The following LRP1 variants were observed in gnomAD, a reference collection of about 807,000 sequenced individuals.
The protein encoded by LRP1 is LDL receptor related protein 1.
LRP1 carries 51 observed loss-of-function variants against 541.5 expected under a neutral mutation model. The ratio of observed to expected loss-of-function variants is 0.09; its 90% CI spans 0.08 to 0.12. The LOEUF (loss-of-function observed/expected upper bound fraction) is 0.12. Ranked by LOEUF, LRP1 falls within the 10% of genes least tolerant of loss-of-function variation. The probability of loss-of-function intolerance (pLI) is 1.00; values close to 1 mark genes in which losing one functional copy is unlikely to be tolerated. For missense variants in LRP1, 3,878 were observed against 6,376.2 expected (o/e 0.61, Z 13.34); for synonymous variants, 2,219 against 2,470.8 (o/e 0.90, Z 3.02).
rs2036877284 is a variant in LRP1 at position 57,210,179 on chromosome 12, T to C, written c.12580+10T>C. ...ACGCCCCCCCCAGATGGTATGCTTA[T>C]GCCCTCCCAGTCCCAGCCATGCCTC... On this transcript the variant is annotated intron_variant, in intron 81 of 88. Transcript: ENST00000243077. The C allele has an allele frequency of 6.3e-7, 1 of 1,586,638 alleles. No individual in the cohort carries two copies.
chr12:57,202,035 G>C lies in LRP1; in HGVS notation c.10594+130G>C, dbSNP rs2036668370. 8.1e-6 allele frequency: 10 copies of C among 1,240,236 alleles called. No individual in the cohort carries two copies. In the South Asian group the frequency reaches 1.3e-4, roughly 17 times the overall value. 76.8% of individuals were successfully genotyped at this position (1,240,236 alleles called of 1,614,324 possible). ...GTGGCCCTGCTGCTGGGCTTCCTGG[G>C]CCTGCTGTGGGGCTGGGGAAGGAGG... On this transcript the variant is annotated intron_variant, in intron 67 of 88. Transcript: ENST00000243077.
intron 77 of LRP1, 96 bp from the exon 78 acceptor site, chr12:57,208,614 GC>G (rs767219169): frequency 1.0e-4 from 72 of 721,526 alleles, no homozygotes; most frequent in Non-Finnish European, 1.6e-4. Flanking sequence ...CCAGTCCCCA[GC>G]AGTCCCTGTC....
rs765805718 is a variant in LRP1, at chr12:57,197,176, C to T, written c.9076+11C>T. 18 of 1,613,724 alleles carry T rather than the reference C, an allele frequency of 1.1e-5. No homozygotes were observed. Among genetic ancestry groups the T allele is most frequent in the East Asian group, 2.2e-5 (1 of 44,892 alleles). On this transcript the variant is annotated intron_variant, in intron 56 of 88. Transcript: ENST00000243077. The surrounding 1 kb of genome is among the most constrained non-coding windows in gnomAD (Gnocchi z 4.5). ...GCAAGGCTGTGACTGGTGAGATGCG[C>T]GCTTGGAGGGCATGAGGTGACCCAG... is the stretch of plus-strand genomic sequence containing the variant.
chr12:57,149,330 T>C (rs921720350), intron 6 of LRP1: 25 of 445,148 alleles, frequency 5.6e-5, no homozygotes, highest in Non-Finnish European at 9.1e-5. Context: ...CTGAGTTTCC[T>C]AATCATTTAA....
chr12:57,210,674 G>A lies in LRP1; in HGVS notation c.12755-44G>A, dbSNP rs751737847. 4 of 1,579,924 alleles carry A rather than the reference G, an allele frequency of 2.5e-6. No homozygotes were observed. The South Asian group carries it at 4.5e-5, about 18-fold the overall frequency. ...CCATTCCTCTGCTATAGGGCCAGGT[G>A]GTCTCGAGGGCCACAGTCGCGCTCA... On this transcript the variant is annotated intron_variant, in intron 82 of 88. Transcript: ENST00000243077.
Position 57,162,164 on chromosome 12 carries a change from C to A in LRP1, c.2203-153C>A, listed in dbSNP as rs569370367. Among the ~76,000 whole-genome samples, 2 of 152,256 alleles carry A rather than the reference C, an allele frequency of 1.3e-5. No individual in the cohort carries two copies. Among genetic ancestry groups the A allele is most frequent in the African/African-American group, 4.8e-5 (2 of 41,530 alleles). The stretch of plus-strand genomic sequence containing the variant: ...TCAGGATCTACCATCCCACTGTGTG[C>A]AAAACTATCACTCTCTGGGGCTCCC... On this transcript the variant is annotated intron_variant, in intron 13 of 88. Coordinates refer to ENST00000243077, the MANE Select transcript of LRP1 (RefSeq NM_002332.3). This position sits in a 1 kb window ranked among gnomAD's most constrained non-coding sequence, Gnocchi z 5.2.
In LRP1 at chr12:57,197,405, T is replaced by G. The variant is rs771591751; in HGVS notation, c.9162+21T>G. The G allele has an allele frequency of 1.8e-5, 29 of 1,610,492 alleles. No individual in the cohort carries two copies. Among genetic ancestry groups the G allele is most frequent in the Middle Eastern group, 1.7e-4 (1 of 6,058 alleles). On this transcript the variant is annotated intron_variant, in intron 57 of 88. Coordinates refer to ENST00000243077, the MANE Select transcript of LRP1 (RefSeq NM_002332.3). This position sits in a 1 kb window ranked among gnomAD's most constrained non-coding sequence, Gnocchi z 4.5. ...AGCAGGTACCAAACCCAGGCCCTCCTCCCCGCTGCCCATCTCCCAGACCCA... is the reference window on the plus strand; with the variant it reads ...AGCAGGTACCAAACCCAGGCCCTCCGCCCCGCTGCCCATCTCCCAGACCCA...
Position 57,194,856 on chromosome 12 carries a change from C to G in LRP1, c.8192-129C>G. 1.5e-5 allele frequency: 18 copies of G among 1,173,554 alleles called. 1 individual carries two copies. Among genetic ancestry groups the G allele is most frequent in the Non-Finnish European group, 2.1e-5 (17 of 804,430 alleles). 72.7% of individuals were successfully genotyped at this position (1,173,554 alleles called of 1,614,324 possible). On this transcript the variant is annotated intron_variant, in intron 50 of 88. Transcript: ENST00000243077. ...GAGGTCAGACTCAGAGACTCTGCCT[C>G]TAGCTGCTGCTGAGCCCCCCCACAG...
Position 57,204,444 on chromosome 12 carries a change from C to A in LRP1, c.10986C>A (p.Asn3662Lys). 1 of 1,559,466 alleles carries A rather than the reference C, an allele frequency of 6.4e-7. No homozygotes were observed. The highest frequency in any genetic ancestry group is 8.7e-7 in the Non-Finnish European group (1 of 1,150,836). ...RTCPLDEFQCNNTLCKPLAWK... is the reference protein window; with the variant it reads ...RTCPLDEFQCKNTLCKPLAWK... Reference sequence around the variant, plus strand: ...GCCCCCTGGACGAGTTCCAGTGCAACAACACCTTGTGCAAGCCGCTGGCCT... The same window carrying A: ...GCCCCCTGGACGAGTTCCAGTGCAAAAACACCTTGTGCAAGCCGCTGGCCT... The change falls in exon 71 of 89, where the codon AAC (asparagine) becomes AAA (lysine). Residue 3662 changes from asparagine (N) to lysine (K), a missense_variant. By Grantham distance (94) the Asn-to-Lys change is moderately conservative (BLOSUM62 0). Coordinates refer to ENST00000243077, the MANE Select transcript of LRP1 (RefSeq NM_002332.3). The surrounding 1 kb of genome is among the most constrained non-coding windows in gnomAD (Gnocchi z 5.3).
In LRP1 at chr12:57,187,351, G is replaced by A; in HGVS notation, c.6926G>A (p.Arg2309His). 6.2e-7 allele frequency: 1 copy of A among 1,614,186 alleles called. No individual in the cohort carries two copies. Among genetic ancestry groups the A allele is most frequent in the Non-Finnish European group, 8.5e-7 (1 of 1,180,042 alleles). The change falls in exon 42 of 89, where the codon CGC (arginine) becomes CAC (histidine). Residue 2309 changes from arginine to histidine, a missense_variant. By Grantham distance (29) the Arg-to-His change is conservative (BLOSUM62 0). Around this residue, in one of 13 missense-constraint regions of LRP1, gnomAD observed 1,100 missense variants for 1,827.4 expected, o/e 0.60. Transcript: ENST00000243077. ...AGCTACACGACATCCACCATCACGCGCCACACAGTGGACCAGACCCGCCCA... is the reference window on the plus strand; with the variant it reads ...AGCTACACGACATCCACCATCACGCACCACACAGTGGACCAGACCCGCCCA... ...WTSYTTSTITRHTVDQTRPGA... is the reference protein window; with the variant it reads ...WTSYTTSTITHHTVDQTRPGA...
In LRP1 at chr12:57,157,025, A is replaced by C. The variant is rs545067978; in HGVS notation, c.1561+105A>C. 104 of 1,363,664 alleles carry C rather than the reference A, an allele frequency of 7.6e-5. No homozygotes were observed. In the African/African-American group the frequency reaches 1.3e-3, roughly 17 times the overall value. The allele number at this position is 1,363,664 out of a possible 1,614,324, so 84.5% of individuals were successfully genotyped here. A position where few individuals can be genotyped will look rare whatever the true frequency, so the allele number is the denominator to read the frequency against. ...CTCTGTCTGACATGCAGGGAGATGA[A>C]GGAAGTGTCCCAGAGTGTACCTGCT... On this transcript the variant is annotated intron_variant, in intron 10 of 88. Coordinates refer to ENST00000243077, the MANE Select transcript of LRP1 (RefSeq NM_002332.3).
At chr12:57,155,077 T>G (rs35253246) in intron 8 of LRP1, 12,180 of 493,342 alleles carry the variant, frequency 0.025, 731 homozygotes, top group African/African-American at 0.15. Flanking sequence ...CTGGAACTTG[T>G]TCTAGAAGCC....
At chr12:57,141,937 CT>C in intron 3 of LRP1, among the ~76,000 whole-genome samples, 1 of 152,188 alleles carries the variant, frequency 6.6e-6, no homozygotes, top group South Asian at 2.1e-4. Context: ...TTTAGTCCAC[CT>C]GCCGCCCCTA....
chr12:57,156,689 C>A lies in LRP1; in HGVS notation c.1418-88C>A. ...ATAGCAAGCACAAAGACCACAGCAG[C>A]AGGGGGTGTGGTCAGATTCAGGAAG... On this transcript the variant is annotated intron_variant, in intron 9 of 88. Coordinates refer to ENST00000243077, the MANE Select transcript of LRP1 (RefSeq NM_002332.3). This position sits in a 1 kb window ranked among gnomAD's most constrained non-coding sequence, Gnocchi z 5.2. 1 of 1,411,288 alleles carries A rather than the reference C, an allele frequency of 7.1e-7. No homozygotes were observed. Among genetic ancestry groups the A allele is most frequent in the East Asian group, 2.4e-5 (1 of 42,538 alleles). The allele number at this position is 1,411,288 out of a possible 1,614,324, so 87.4% of individuals were successfully genotyped here.
chr12:57,198,011 G>A (rs2036572902), intron 58 of LRP1, 145 bp from the exon 59 acceptor site: 2 of 696,798 alleles, frequency 2.9e-6, no homozygotes, highest in South Asian at 3.8e-5. Context: ...CCCAGGACTG[G>A]GCATTTTACT....
At position 57,165,749 on chromosome 12, in the gene LRP1, A is replaced by T; in HGVS notation, c.2531-56A>T. ...ACAAAAATGGTGCAAAGGGCTTAGT[A>T]CTTGTCCCACGACCGGGGTCTGACT... On this transcript the variant is annotated intron_variant, in intron 15 of 88. Coordinates refer to ENST00000243077, the MANE Select transcript of LRP1 (RefSeq NM_002332.3). The surrounding 1 kb of genome is among the most constrained non-coding windows in gnomAD (Gnocchi z 4.5). 1 of 1,585,550 alleles carries T rather than the reference A, an allele frequency of 6.3e-7. No individual in the cohort carries two copies. The highest frequency in any genetic ancestry group is 8.6e-7 in the Non-Finnish European group (1 of 1,156,208).
rs34484591 is a variant in LRP1, at chr12:57,138,780, G to A, written c.190+199G>A. Among the ~76,000 whole-genome samples, 9,550 of 152,176 alleles carry A rather than the reference G, an allele frequency of 0.063. 873 individuals carry two copies. Among genetic ancestry groups the A allele is most frequent in the African/African-American group, 0.2 (8,406 of 41,466 alleles). On this transcript the variant is annotated intron_variant, in intron 2 of 88. Transcript: ENST00000243077. ...ATGGTGCCTGTTGGGCTTAGAAATGGCACCTCAGATTTCTCCCTCAAGTGC... is the reference window on the plus strand; with the variant it reads ...ATGGTGCCTGTTGGGCTTAGAAATGACACCTCAGATTTCTCCCTCAAGTGC...
intron 24 of LRP1, 79 bp downstream of exon 24, chr12:57,176,185 G>A: frequency 6.8e-7 from 1 of 1,463,204 alleles, no homozygotes. Flanking sequence ...CCATCCAAGT[G>A]GCCCCAAAGC....
chr12:57,172,792 T>C (rs1267833395), intron 20 of LRP1, among the ~76,000 whole-genome samples: 2 of 152,182 alleles, frequency 1.3e-5, no homozygotes, highest in African/African-American at 4.8e-5. Flanking sequence ...CTTTGTCTGG[T>C]TCAGTGCTGG....
Sources: allele counts gnomAD v4.1 joint callset (sites outside exome capture counted in the v4.1 genomes callset), GRCh38; gene constraint gnomAD v4.1.1; regional missense constraint gnomAD v4.1.1; non-coding constraint Gnocchi (gnomAD v3.1); transcripts MANE v1.5; gene names NCBI Gene and HGNC (gene_info 2026-07-23, HGNC 2026-07-21).